VPS13B: variants seen among roughly 807,000 people sequenced by gnomAD.
The protein encoded by VPS13B is intermembrane lipid transfer protein VPS13B.
A neutral mutation model predicts 426.4 loss-of-function variants in VPS13B; 285 were observed. That is an observed-to-expected ratio of 0.67 (90% CI 0.61 to 0.74). The LOEUF is 0.74. Ranked by LOEUF, VPS13B falls within the 30% of genes least tolerant of loss-of-function variation. VPS13B has a pLI of 0.00. For missense variants in VPS13B, 4,537 were observed against 4,782.6 expected (o/e 0.95, Z 1.51); for synonymous variants, 1,676 against 1,676.4 (o/e 1.00, Z 0.01).
At chr8:99,530,374 G>T (rs1428271755) in intron 30 of VPS13B, among the ~76,000 whole-genome samples, 3 of 152,048 alleles carry the variant, frequency 2.0e-5, no homozygotes, top group African/African-American at 7.2e-5. Flanking sequence ...CAGCACTTTG[G>T]GAGGCCAAGG....
chr8:99,315,489 GT>G (rs1809589401), intron 19 of VPS13B, among the ~76,000 whole-genome samples: 2 of 148,942 alleles, frequency 1.3e-5, no homozygotes. Flanking sequence ...TTTCCATTTG[GT>G]TCTTTTGTTT....
intron 14 of VPS13B, among the ~76,000 whole-genome samples, chr8:99,153,561 TAGTC>T (rs1811189577): frequency 6.6e-6 from 1 of 152,168 alleles, no homozygotes; most frequent in Non-Finnish European, 1.5e-5. Flanking sequence ...ACTTTACAGG[TAGTC>T]AGAGTTTCTT....
chr8:99,832,364 TTTA>T lies in VPS13B; in HGVS notation c.9331-4_9331-2del. Reference sequence around the variant, plus strand: ...GCATTTTTTTTTTTTTTTTTTTTTTTTTAGTATTTTCGTGTTCCAGACAGTGCT... The same window carrying T: ...GCATTTTTTTTTTTTTTTTTTTTTTTGTATTTTCGTGTTCCAGACAGTGCT... On this transcript the variant is annotated splice_acceptor_variant and splice_polypyrimidine_tract_variant and intron_variant, in intron 51 of 61. Coordinates refer to ENST00000357162, the MANE Select transcript of VPS13B (RefSeq NM_152564.5). LOFTEE classifies it high-confidence loss of function. 1 of 1,498,196 alleles carries T rather than the reference TTTA, an allele frequency of 6.7e-7. No individual in the cohort carries two copies. The highest frequency in any genetic ancestry group is 8.8e-7 in the Non-Finnish European group (1 of 1,132,696). 92.8% of individuals were successfully genotyped at this position (1,498,196 alleles called of 1,614,324 possible).
chr8:99,241,041 T>C lies in VPS13B; in HGVS notation c.2516-33157T>C, dbSNP rs1380762551. 7 of 152,372 alleles carry C rather than the reference T, an allele frequency of 4.6e-5. No individual in the cohort carries two copies. The South Asian group carries it at 1.0e-3, about 23-fold the overall frequency. 9.4% of individuals were successfully genotyped at this position (152,372 alleles called of 1,614,324 possible). ...TGGCAGTGCTGCAAATAAGGAAGTTTCTGTTTTGAAGTCCATATGTGTGTG... is the reference window on the plus strand; with the variant it reads ...TGGCAGTGCTGCAAATAAGGAAGTTCCTGTTTTGAAGTCCATATGTGTGTG... On this transcript the variant is annotated intron_variant, in intron 17 of 61. Coordinates refer to ENST00000357162, the MANE Select transcript of VPS13B (RefSeq NM_152564.5).
chr8:99,106,556 A>G (rs1847061008), intron 5 of VPS13B, among the ~76,000 whole-genome samples: 1 of 152,130 alleles, frequency 6.6e-6, no homozygotes, highest in African/African-American at 2.4e-5. Context: ...ATTGAACAAT[A>G]TCAGCACCCA....
intron 39 of VPS13B, among the ~76,000 whole-genome samples, chr8:99,745,127 T>A (rs138501076): frequency 2.6e-4 from 40 of 152,246 alleles, no homozygotes; most frequent in Middle Eastern, 3.4e-3. Flanking sequence ...AAATTTGGCC[T>A]TTTCTAAGTT....
In VPS13B at chr8:99,859,414, G is replaced by A. The variant is rs373947421; in HGVS notation, c.10978G>A (p.Gly3660Ser). The A allele has an allele frequency of 1.9e-6, 3 of 1,614,012 alleles. No homozygotes were observed. Among genetic ancestry groups the A allele is most frequent in the African/African-American group, 1.3e-5 (1 of 74,906 alleles). Reference sequence around the variant, plus strand: ...GCTTCCGTATGAGGGGCTGACCCGGGGCCCTGGAGCCTTCGTGAGTGGCGT... The same window carrying A: ...GCTTCCGTATGAGGGGCTGACCCGGAGCCCTGGAGCCTTCGTGAGTGGCGT... ...FRLPYEGLTRGPGAFVSGVSR... is the reference protein window; with the variant it reads ...FRLPYEGLTRSPGAFVSGVSR... Residue 3660 changes from glycine (G) to serine (S), a missense_variant, in exon 57 of 62, where the codon GGC (glycine) becomes AGC (serine). By Grantham distance (56) the Gly-to-Ser change is moderately conservative. Around this residue, in one of 2 missense-constraint regions of VPS13B, gnomAD observed 4,311 missense variants for 4,474.3 expected, o/e 0.96. Coordinates refer to ENST00000357162, the MANE Select transcript of VPS13B (RefSeq NM_152564.5).
intron 35 of VPS13B, among the ~76,000 whole-genome samples, chr8:99,680,354 A>G (rs1831109047): frequency 6.6e-6 from 1 of 152,098 alleles, no homozygotes; most frequent in African/African-American, 2.4e-5. Context: ...TATGGGAATC[A>G]CCTCTGGGGC....
chr8:99,158,763 C>T (rs1030851394), intron 15 of VPS13B, among the ~76,000 whole-genome samples: 4 of 152,202 alleles, frequency 2.6e-5, no homozygotes, highest in South Asian at 2.1e-4. Flanking sequence ...AAAATATTAG[C>T]GCTCACGGAC....
intron 19 of VPS13B, among the ~76,000 whole-genome samples, chr8:99,355,216 A>G (rs1279469168): frequency 1.3e-5 from 2 of 152,178 alleles, no homozygotes; most frequent in Non-Finnish European, 2.9e-5. Context: ...CCTTTAATGT[A>G]AATCAGCTTA....
At chr8:99,587,661 T>A (rs1397893270) in intron 33 of VPS13B, among the ~76,000 whole-genome samples, 1 of 151,634 alleles carries the variant, frequency 6.6e-6, no homozygotes, top group Non-Finnish European at 1.5e-5. Context: ...CACTTTTTGA[T>A]GTGGTTGTTT....
chr8:99,786,648 A>T (rs140400417), intron 43 of VPS13B, among the ~76,000 whole-genome samples: 270 of 152,308 alleles, frequency 1.8e-3, no homozygotes, highest in Admixed American at 3.3e-3. Context: ...GTATCTAATA[A>T]ACTTTGTTTT....
chr8:99,853,471 C>G lies in VPS13B; in HGVS notation c.10082C>G (p.Thr3361Arg). The change falls in exon 56 of 62, where the codon ACA becomes AGA. Residue 3361 changes from threonine (T) to arginine (R), a missense_variant. By Grantham distance (71) the Thr-to-Arg change is moderately conservative. Around this residue, in one of 2 missense-constraint regions of VPS13B, gnomAD observed 4,311 missense variants for 4,474.3 expected, o/e 0.96. Transcript: ENST00000357162. ...NTNRAPEKIV[T>R]FKMFITQLSL... ...TCTAGAGCGCCAGAGAAGATTGTTA[C>G]ATTTAAAATGTTCATCACTCAGTTA... 1 of 1,614,176 alleles carries G rather than the reference C, an allele frequency of 6.2e-7. No individual in the cohort carries two copies. The highest frequency in any genetic ancestry group is 8.5e-7 in the Non-Finnish European group (1 of 1,180,034).
At chr8:99,380,056 A>G (rs1414345597) in intron 19 of VPS13B, among the ~76,000 whole-genome samples, 1 of 152,138 alleles carries the variant, frequency 6.6e-6, no homozygotes, top group Non-Finnish European at 1.5e-5. Flanking sequence ...TTTCTTACAT[A>G]GTAACTTTTT....
At chr8:99,527,230 A>C (rs568698356) in intron 30 of VPS13B, among the ~76,000 whole-genome samples, 1 of 152,140 alleles carries the variant, frequency 6.6e-6, no homozygotes, top group South Asian at 2.1e-4. Flanking sequence ...AACTTTTGGA[A>C]TCTGTGACTG....
intron 52 of VPS13B, among the ~76,000 whole-genome samples, chr8:99,834,838 C>T (rs1242926255): frequency 6.6e-6 from 1 of 152,178 alleles, no homozygotes; most frequent in Non-Finnish European, 1.5e-5. Flanking sequence ...GGATTATAGG[C>T]GTGAGCCACC....
intron 39 of VPS13B, among the ~76,000 whole-genome samples, chr8:99,743,257 A>C (rs1340385735): frequency 1.3e-5 from 2 of 152,090 alleles, no homozygotes; most frequent in Non-Finnish European, 2.9e-5. Context: ...TAGGAATCCA[A>C]CTTACAAGGG....
intron 24 of VPS13B, among the ~76,000 whole-genome samples, chr8:99,480,416 T>TG (rs1029572759): frequency 1.3e-5 from 2 of 152,190 alleles, no homozygotes; most frequent in African/African-American, 4.8e-5. Flanking sequence ...TAGAACCTGT[T>TG]TTGGCTTTTT....
intron 30 of VPS13B, among the ~76,000 whole-genome samples, chr8:99,524,384 A>T (rs143960775): frequency 2.6e-5 from 4 of 152,340 alleles, no homozygotes; most frequent in African/African-American, 9.6e-5. Flanking sequence ...ACAAGGTTGT[A>T]GAATACAAAG....
Sources: gnomAD v4.1 joint callset for allele counts (sites outside exome capture counted in the v4.1 genomes callset) on GRCh38, gnomAD v4.1.1 for gene constraint, gnomAD v4.1.1 regional missense constraint, MANE v1.5 for transcripts, NCBI Gene and HGNC (gene_info 2026-07-23, HGNC 2026-07-21) for gene names.